ACYP2: variants seen among roughly 807,000 people sequenced by gnomAD.
ACYP2 encodes the protein acylphosphatase 2, also known as acylphosphatase-2.
Under a neutral mutation model 11.2 loss-of-function variants are expected in ACYP2, and 12 were observed. That is an observed-to-expected ratio of 1.08 (90% CI 0.69 to 1.74). ACYP2 has a LOEUF of 1.74. ACYP2 is among the 40% of genes most tolerant of loss of function. ACYP2 has a pLI of 0.00. For missense variants in ACYP2, 134 were observed against 101.9 expected (o/e 1.31, Z -1.35); for synonymous variants, 43 against 32.2 (o/e 1.33, Z -1.13).
intron 2 of ACYP2, among the ~76,000 whole-genome samples, chr2:54,020,996 A>G (rs1194294221): frequency 6.6e-6 from 1 of 152,204 alleles, no homozygotes; most frequent in Non-Finnish European, 1.5e-5. Context: ...GAAGGGTACA[A>G]CTCACAGATG....
intron 6 of ACYP2, among the ~76,000 whole-genome samples, chr2:54,205,053 T>C (rs528954283): frequency 6.8e-6 from 1 of 146,438 alleles, no homozygotes; most frequent in Non-Finnish European, 1.5e-5. Context: ...ATTTTTATTG[T>C]TTCTTCCATT....
chr2:54,080,906 G>T (rs1249824440), intron 4 of ACYP2, among the ~76,000 whole-genome samples: 1 of 152,084 alleles, frequency 6.6e-6, no homozygotes, highest in African/African-American at 2.4e-5. Flanking sequence ...GATTATAGGG[G>T]TTAGCCACCA....
chr2:54,025,280 CT>C (rs1674220870), intron 2 of ACYP2, among the ~76,000 whole-genome samples: 1 of 152,096 alleles, frequency 6.6e-6, no homozygotes, highest in Non-Finnish European at 1.5e-5. Context: ...CAAAGCAAGA[CT>C]AAGCAAAAAG....
intron 4 of ACYP2, among the ~76,000 whole-genome samples, chr2:54,133,083 C>T (rs1558556406): frequency 6.6e-6 from 1 of 152,156 alleles, no homozygotes; most frequent in Non-Finnish European, 1.5e-5. Flanking sequence ...ATGTAATCCT[C>T]ACCACAACTG....
At chr2:54,278,220 C>T (rs553349495) in intron 6 of ACYP2, among the ~76,000 whole-genome samples, 4 of 152,290 alleles carry the variant, frequency 2.6e-5, no homozygotes, top group South Asian at 4.1e-4. Context: ...CCTCGTGATC[C>T]GCCCGCCTCG....
chr2:54,161,389 T>C (rs980649270), intron 6 of ACYP2, among the ~76,000 whole-genome samples: 1 of 152,198 alleles, frequency 6.6e-6, no homozygotes, highest in African/African-American at 2.4e-5. Flanking sequence ...CTGAGTACCA[T>C]TGGTCTTATC....
chr2:54,058,661 A>C (rs60191560), intron 4 of ACYP2, among the ~76,000 whole-genome samples: 15,929 of 151,906 alleles, frequency 0.1, 953 homozygotes, highest in East Asian at 0.28. Flanking sequence ...CTTGGCAGTT[A>C]AGACAGGTTT....
At chr2:54,003,808 T>C (rs1418521135) in intron 2 of ACYP2, among the ~76,000 whole-genome samples, 4 of 152,206 alleles carry the variant, frequency 2.6e-5, no homozygotes, top group Non-Finnish European at 5.9e-5. Flanking sequence ...TATAAAAAAC[T>C]GTCAAACCAT....
At chr2:54,010,691 A>G (rs558710136) in intron 2 of ACYP2, among the ~76,000 whole-genome samples, 131 of 147,870 alleles carry the variant, frequency 8.9e-4, no homozygotes, top group Admixed American at 1.8e-3. Context: ...GTAATCCATT[A>G]TAATCTCTCT....
intron 2 of ACYP2, among the ~76,000 whole-genome samples, chr2:54,039,309 G>C (rs1261005460): frequency 1.3e-5 from 2 of 149,802 alleles, no homozygotes; most frequent in South Asian, 4.2e-4. Flanking sequence ...TTTTGGCGGG[G>C]GGGGACAGGG....
chr2:54,080,143 G>C (rs1677566079), intron 4 of ACYP2: 1 of 199,140 alleles, frequency 5.0e-6, no homozygotes, highest in Non-Finnish European at 1.1e-5. Context: ...AGGCATCAAA[G>C]ATATTCTTTA....
chr2:54,233,646 C>A (rs1686341896), intron 6 of ACYP2, among the ~76,000 whole-genome samples: 1 of 152,034 alleles, frequency 6.6e-6, no homozygotes, highest in African/African-American at 2.4e-5. Flanking sequence ...CTGTCTCCAG[C>A]CCCTTCCCTC....
chr2:54,097,435 C>T lies in ACYP2; in HGVS notation c.278-38018C>T, dbSNP rs1678650648. 2.0e-5 allele frequency among the ~76,000 whole-genome samples: 3 copies of T among 152,230 alleles called. No individual in the cohort carries two copies. In the South Asian group the frequency reaches 6.2e-4, roughly 32 times the overall value. On this transcript the variant is annotated intron_variant, in intron 4 of 6. Coordinates refer to ENST00000607452, the MANE Select transcript of ACYP2 (RefSeq NM_001320586.2). ...ATGAAAACTATGAAAAGCTTGCCAG[C>T]ACCACTGTTCCCCAAATCCTATCCC...
intron 6 of ACYP2, among the ~76,000 whole-genome samples, chr2:54,216,304 A>T (rs979125282): frequency 6.6e-6 from 1 of 152,174 alleles, no homozygotes; most frequent in Non-Finnish European, 1.5e-5. Context: ...TGGTTGAGCA[A>T]AACCCCTCTT....
chr2:54,021,602 T>C (rs1382193900), intron 2 of ACYP2, among the ~76,000 whole-genome samples: 1 of 152,204 alleles, frequency 6.6e-6, no homozygotes, highest in African/African-American at 2.4e-5. Context: ...CTTAAAAGGC[T>C]CTGAAGCGCA....
At chr2:54,219,821 G>GTGTGTATATATATGTGTGTA (rs1558622084) in intron 6 of ACYP2, among the ~76,000 whole-genome samples, 3 of 142,460 alleles carry the variant, frequency 2.1e-5, no homozygotes, top group African/African-American at 8.0e-5. Context: ...TTGTGTATGT[G>GTGTGTATATATATGTGTGTA]TGTGTGTATA....
chr2:54,260,694 A>T (rs1363571126), intron 6 of ACYP2, among the ~76,000 whole-genome samples: 3 of 152,146 alleles, frequency 2.0e-5, no homozygotes, highest in Admixed American at 2.0e-4. Flanking sequence ...AATGACCTGC[A>T]AGGGATTAGT....
intron 3 of ACYP2, among the ~76,000 whole-genome samples, chr2:54,056,899 A>T (rs1676181250): frequency 6.6e-6 from 1 of 152,232 alleles, no homozygotes; most frequent in African/African-American, 2.4e-5. Context: ...TATTTGTGTA[A>T]GACAAATGCT....
chr2:54,013,135 C>T (rs1216994279), intron 2 of ACYP2, among the ~76,000 whole-genome samples: 1 of 151,978 alleles, frequency 6.6e-6, no homozygotes, highest in African/African-American at 2.4e-5. Flanking sequence ...CTCTGAGCTC[C>T]TTTTAAATTC....
Sources: allele counts gnomAD v4.1 joint callset (sites outside exome capture counted in the v4.1 genomes callset), GRCh38; gene constraint gnomAD v4.1.1; transcripts MANE v1.5; gene names NCBI Gene and HGNC (gene_info 2026-07-23, HGNC 2026-07-21).